CNOT3: variants seen among roughly 807,000 people sequenced by gnomAD.
The protein encoded by CNOT3 is CCR4-associated factor 3.
In CNOT3, 2 loss-of-function variants were observed where a neutral mutation model predicts 89.4. That is an observed-to-expected ratio of 0.02 (90% CI 0.01 to 0.07). CNOT3 has a LOEUF of 0.07. Among genes scored for constraint, CNOT3 ranks in the 10% least tolerant of loss-of-function variants. The pLI, the probability that CNOT3 is intolerant of heterozygous loss-of-function variation, is 1.00. For missense variants in CNOT3, 664 were observed against 1,010.2 expected (o/e 0.66, Z 4.65); for synonymous variants, 486 against 402.0 (o/e 1.21, Z -2.50).
chr19:54,138,534 C>A (rs1039970008), intron 1 of CNOT3, among the ~76,000 whole-genome samples: 3 of 152,042 alleles, frequency 2.0e-5, no homozygotes, highest in Non-Finnish European at 2.9e-5. Context: ...GGACGAGGAC[C>A]CCAGCTGGGT....
chr19:54,142,733 G>C, intron 1 of CNOT3, 196 bp from the exon 2 acceptor site: 2 of 593,022 alleles, frequency 3.4e-6, no homozygotes, highest in East Asian at 2.8e-5. Context: ...CAAACTTATG[G>C]GGTCCCCTGT....
chr19:54,149,285 A>G (rs1272016423), intron 12 of CNOT3, among the ~76,000 whole-genome samples: 3 of 152,146 alleles, frequency 2.0e-5, no homozygotes, highest in East Asian at 1.9e-4. Flanking sequence ...GCCCAGGGCA[A>G]GTGGTTTTGA....
At chr19:54,155,181 G>A (rs746311932) in intron 17 of CNOT3, 128 bp from the exon 18 acceptor site, 37 of 1,036,442 alleles carry the variant, frequency 3.6e-5, no homozygotes, top group Middle Eastern at 2.1e-4. Flanking sequence ...GAGTGTGTGC[G>A]TGCAGGGCAG....
At chr19:54,149,519 G>T in intron 12 of CNOT3, 41 bp from the exon 13 acceptor site, 1 of 1,365,136 alleles carries the variant, frequency 7.3e-7, no homozygotes, top group Non-Finnish European at 9.9e-7. Context: ...CCACCCTCAG[G>T]GACCCTCCTC....
chr19:54,151,212 A>G (rs2075082925), intron 13 of CNOT3, among the ~76,000 whole-genome samples: 2 of 152,216 alleles, frequency 1.3e-5, no homozygotes, highest in Admixed American at 1.3e-4. Context: ...AACAACAAAA[A>G]TGAATCGCTG....
chr19:54,146,438 T>C (rs1445671725), intron 9 of CNOT3, among the ~76,000 whole-genome samples, 163 bp from the exon 10 acceptor site: 1 of 152,118 alleles, frequency 6.6e-6, no homozygotes, highest in Non-Finnish European at 1.5e-5. Flanking sequence ...AGAGCCTGAA[T>C]TGAGATGGTT....
intron 17 of CNOT3, 105 bp downstream of exon 17, chr19:54,153,945 T>C (rs759248053): frequency 6.9e-7 from 1 of 1,447,644 alleles, no homozygotes; most frequent in South Asian, 1.1e-5. Context: ...ACCTTTCAGC[T>C]GGCGCAGTCC....
intron 13 of CNOT3, 41 bp downstream of exon 13, chr19:54,149,799 T>C: frequency 6.6e-7 from 1 of 1,512,848 alleles, no homozygotes. Context: ...GTGTCCTGAC[T>C]CTGTTGTTTC....
At chr19:54,139,100 G>C (rs1394781226) in intron 1 of CNOT3, among the ~76,000 whole-genome samples, 8 of 152,176 alleles carry the variant, frequency 5.3e-5, no homozygotes, top group East Asian at 1.9e-4. Context: ...CTCCCACTGC[G>C]GGCAGCACCA....
chr19:54,153,468 CACA>C (rs780327081), intron 16 of CNOT3: 3 of 776,274 alleles, frequency 3.9e-6, no homozygotes, highest in Non-Finnish European at 7.2e-6. Context: ...CAGCTCTCAT[CACA>C]CATTAGTTTT....
chr19:54,141,977 C>G (rs1185605719), intron 1 of CNOT3: 1 of 152,190 alleles, frequency 6.6e-6, no homozygotes, highest in Non-Finnish European at 1.5e-5. Context: ...TGACCTCAGT[C>G]TTCTCTGGGT....
chr19:54,148,227 C>T lies in CNOT3; in HGVS notation c.974C>T (p.Ser325Phe). ...CCAGCTGTGCCGCCCACCTACCCCT[C>T]CGGCCCCCCGCCTGCTGCCTCTGCC... ...QSPAVPPTYP[S>F]GPPPAASALS... The change falls in exon 11 of 18, where the codon TCC becomes TTC. Residue 325 changes from serine (S) to phenylalanine (F), a missense_variant. By Grantham distance (155) the Ser-to-Phe change is radical. Around this residue, in one of 8 missense-constraint regions of CNOT3, gnomAD observed 545 missense variants for 566.2 expected, o/e 0.96. Transcript: ENST00000221232. This position sits in a 1 kb window ranked among gnomAD's most constrained non-coding sequence, Gnocchi z 6.3. The T allele has an allele frequency of 6.3e-7, 1 of 1,597,868 alleles. No homozygotes were observed. The highest frequency in any genetic ancestry group is 1.1e-5 in the South Asian group (1 of 88,832).
rs2074559237 is a variant in CNOT3 at position 54,143,993 on chromosome 19, G to A, written c.259-13G>A. On this transcript the variant is annotated splice_polypyrimidine_tract_variant and intron_variant, in intron 5 of 17. Coordinates refer to ENST00000221232, the MANE Select transcript of CNOT3 (RefSeq NM_014516.4). ...ACCTTTGAGAGCCCCCCTGCCAACT[G>A]CACTCTCTACAGCAAATGGAACGGT... is the stretch of plus-strand genomic sequence containing the variant. 3 of 1,588,490 alleles carry A rather than the reference G, an allele frequency of 1.9e-6. No individual in the cohort carries two copies. Among genetic ancestry groups the A allele is most frequent in the South Asian group, 2.3e-5 (2 of 86,390 alleles).
At chr19:54,143,373 A>G (rs1600418795) in intron 3 of CNOT3, 69 bp from the exon 4 acceptor site, 1 of 1,520,854 alleles carries the variant, frequency 6.6e-7, no homozygotes, top group East Asian at 2.3e-5. Flanking sequence ...TAGCATAAGG[A>G]AGAATCACTG....
chr19:54,150,131 A>G (rs1387461278), intron 13 of CNOT3, among the ~76,000 whole-genome samples: 8 of 151,976 alleles, frequency 5.3e-5, no homozygotes, highest in African/African-American at 1.4e-4. Context: ...GCACAAGTAG[A>G]AAGACTGGTT....
At position 54,143,141 on chromosome 19, in the gene CNOT3, G is replaced by A. The variant is rs762138351; in HGVS notation, c.48G>A (p.Lys16=). ...KLQGEIDRCL[K]KVSEGVEQFE... ...CAGGTGAGATTGATCGCTGCCTCAA[G>A]AAGGTGTCCGAGGGCGTGGAGCAGT... is the stretch of plus-strand genomic sequence containing the variant. Residue 16 remains lysine (K), a synonymous_variant, in exon 3 of 18, where the codon AAG becomes AAA. Coordinates refer to ENST00000221232, the MANE Select transcript of CNOT3 (RefSeq NM_014516.4). 1.9e-6 allele frequency: 3 copies of A among 1,614,106 alleles called. 1 individual carries two copies. In the South Asian group the frequency reaches 3.3e-5, roughly 18 times the overall value.
At position 54,145,845 on chromosome 19, in the gene CNOT3, AG is replaced by A. The variant is rs1471013739; in HGVS notation, c.703+30del. 1 of 1,608,818 alleles carries A rather than the reference AG, an allele frequency of 6.2e-7. No individual in the cohort carries two copies. Among genetic ancestry groups the A allele is most frequent in the Non-Finnish European group, 8.5e-7 (1 of 1,175,880 alleles). On this transcript the variant is annotated intron_variant, in intron 8 of 17. Transcript: ENST00000221232. The surrounding 1 kb of genome is among the most constrained non-coding windows in gnomAD (Gnocchi z 5.9). The stretch of plus-strand genomic sequence containing the variant: ...GAGGCCCTGGGGCTGATCGTGGCAC[AG>A]GAAGTGAGGGCCCAGAATGGGCTGT...
At chr19:54,143,369 A>G (rs587601937) in intron 3 of CNOT3, 73 bp from the exon 4 acceptor site, 5 of 1,511,454 alleles carry the variant, frequency 3.3e-6, no homozygotes, top group Admixed American at 1.7e-5. Flanking sequence ...TCCCTAGCAT[A>G]AGGAAGAATC....
chr19:54,153,084 TGG>T, intron 16 of CNOT3, 85 bp downstream of exon 16: 1 of 1,469,396 alleles, frequency 6.8e-7, no homozygotes, highest in Non-Finnish European at 9.4e-7. Flanking sequence ...AGGGGTGAGG[TGG>T]GTGCCCCACT....
Sources: gnomAD v4.1 joint callset for allele counts (sites outside exome capture counted in the v4.1 genomes callset) on GRCh38, gnomAD v4.1.1 for gene constraint, gnomAD v4.1.1 regional missense constraint, Gnocchi (gnomAD v3.1) non-coding constraint, MANE v1.5 for transcripts, NCBI Gene and HGNC (gene_info 2026-07-23, HGNC 2026-07-21) for gene names.